The following DCC variants were observed in gnomAD, a reference collection of about 807,000 sequenced individuals.
The protein encoded by DCC is netrin receptor DCC.
A neutral mutation model predicts 172.5 loss-of-function variants in DCC; 58 were observed. The ratio of observed to expected loss-of-function variants is 0.34; its 90% CI spans 0.27 to 0.42. The LOEUF is 0.42. DCC is among the 10% of genes least tolerant of loss of function. DCC has a pLI of 1.00. For missense variants in DCC, 1,740 were observed against 1,791.0 expected (o/e 0.97, Z 0.51); for synonymous variants, 709 against 644.5 (o/e 1.10, Z -1.52).
chr18:53,500,221 A>G (rs2046079782), intron 27 of DCC, among the ~76,000 whole-genome samples: 1 of 152,086 alleles, frequency 6.6e-6, no homozygotes, highest in South Asian at 2.1e-4. Flanking sequence ...GGAGGGGGAG[A>G]GAGAGGCAGA....
chr18:52,663,006 A>G (rs1290962019), intron 1 of DCC, among the ~76,000 whole-genome samples: 2 of 152,320 alleles, frequency 1.3e-5, no homozygotes, highest in East Asian at 3.9e-4. Context: ...ATGTTAGGGG[A>G]AAACAAACAT....
At chr18:52,344,103 C>A (rs1244892834) in intron 1 of DCC, among the ~76,000 whole-genome samples, 1 of 152,208 alleles carries the variant, frequency 6.6e-6, no homozygotes, top group Non-Finnish European at 1.5e-5. Context: ...TGCTGATAGG[C>A]ATTTTTTTCT....
chr18:52,806,348 A>G (rs566974641), intron 2 of DCC, among the ~76,000 whole-genome samples: 1 of 152,318 alleles, frequency 6.6e-6, no homozygotes, highest in Admixed American at 6.5e-5. Flanking sequence ...CCCACATTCC[A>G]TAGTTTACAT....
intron 1 of DCC, among the ~76,000 whole-genome samples, chr18:52,379,900 A>G (rs1985512666): frequency 1.3e-5 from 2 of 152,286 alleles, no homozygotes; most frequent in South Asian, 2.1e-4. Flanking sequence ...CTATAACAGT[A>G]TACATGAGAC....
chr18:53,123,809 G>A (rs1406044105), intron 7 of DCC, among the ~76,000 whole-genome samples: 2 of 151,898 alleles, frequency 1.3e-5, no homozygotes, highest in African/African-American at 4.8e-5. Flanking sequence ...ACGTGTCACG[G>A]TCCTTTTCTC....
At chr18:52,827,370 A>T (rs9952189) in intron 2 of DCC, among the ~76,000 whole-genome samples, 3 of 152,060 alleles carry the variant, frequency 2.0e-5, no homozygotes, top group South Asian at 2.1e-4. Context: ...AAAATGGCTG[A>T]GGTGATTTTG....
chr18:53,463,894 C>T (rs1185062578), intron 24 of DCC, among the ~76,000 whole-genome samples: 1 of 152,158 alleles, frequency 6.6e-6, no homozygotes, highest in Non-Finnish European at 1.5e-5. Flanking sequence ...AGAATTGAAT[C>T]AAGCAATTGC....
intron 5 of DCC, among the ~76,000 whole-genome samples, chr18:52,966,110 C>A (rs1376610181): frequency 6.6e-6 from 1 of 152,098 alleles, no homozygotes; most frequent in Non-Finnish European, 1.5e-5. Context: ...ATCCATAGAT[C>A]ATTTCCCATA....
intron 19 of DCC, among the ~76,000 whole-genome samples, chr18:53,403,377 T>C (rs951459445): frequency 6.6e-6 from 1 of 152,210 alleles, no homozygotes; most frequent in African/African-American, 2.4e-5. Context: ...ACTTAAATCA[T>C]AAAGTTCACA....
intron 7 of DCC, among the ~76,000 whole-genome samples, chr18:53,088,015 A>G (rs1246270688): frequency 6.6e-6 from 1 of 152,104 alleles, no homozygotes; most frequent in Non-Finnish European, 1.5e-5. Context: ...GCCTTGTAGT[A>G]TAGTTTGTAG....
At chr18:52,791,869 C>T (rs529200580) in intron 2 of DCC, among the ~76,000 whole-genome samples, 2 of 152,180 alleles carry the variant, frequency 1.3e-5, no homozygotes, top group African/African-American at 4.8e-5. Flanking sequence ...TAAATGGAAG[C>T]AGAATACGTG....
intron 1 of DCC, among the ~76,000 whole-genome samples, chr18:52,399,219 G>A (rs994085445): frequency 6.6e-6 from 1 of 151,538 alleles, no homozygotes; most frequent in Non-Finnish European, 1.5e-5. Flanking sequence ...TTCTTTTCTG[G>A]ACAAAAGGAG....
chr18:52,396,253 A>G (rs1213925309), intron 1 of DCC, among the ~76,000 whole-genome samples: 2 of 151,564 alleles, frequency 1.3e-5, no homozygotes, highest in South Asian at 2.1e-4. Context: ...CAATAATAAT[A>G]AAATAACACT....
intron 11 of DCC, among the ~76,000 whole-genome samples, chr18:53,211,095 C>A (rs2055744033): frequency 6.6e-6 from 1 of 152,180 alleles, no homozygotes; most frequent in Admixed American, 6.5e-5. Flanking sequence ...AGTTTCCATG[C>A]CAGCTTGTCC....
chr18:52,371,601 G>A (rs1598869966), intron 1 of DCC, among the ~76,000 whole-genome samples: 1 of 152,068 alleles, frequency 6.6e-6, no homozygotes, highest in Non-Finnish European at 1.5e-5. Context: ...GCAGCCCCGG[G>A]AAGAAGGCTT....
At chr18:52,427,821 TTCCTTCCTTCCTTTCTTCCTTC>T (rs1234386634) in intron 1 of DCC, among the ~76,000 whole-genome samples, 1 of 92,808 alleles carries the variant, frequency 1.1e-5, no homozygotes, top group Admixed American at 1.3e-4. Context: ...CCTTTCTTCC[TTCCTTCCTTCCTTTCTTCCTTC>T]CTTCCTTCCT....
chr18:53,320,170 C>T (rs1367854151), intron 13 of DCC, among the ~76,000 whole-genome samples: 1 of 149,512 alleles, frequency 6.7e-6, no homozygotes, highest in Non-Finnish European at 1.5e-5. Context: ...CCTCCCGGGT[C>T]CATGCCATTC....
At chr18:52,869,161 G>A (rs565473614) in intron 2 of DCC, among the ~76,000 whole-genome samples, 15 of 152,302 alleles carry the variant, frequency 9.8e-5, no homozygotes, top group Middle Eastern at 3.4e-3. Flanking sequence ...TTTTAGCCTC[G>A]CCATTTGTTG....
At chr18:52,949,374 C>T (rs2040599159) in intron 5 of DCC, among the ~76,000 whole-genome samples, 2 of 152,186 alleles carry the variant, frequency 1.3e-5, no homozygotes, top group African/African-American at 4.8e-5. Context: ...TGGGAAAAGG[C>T]TCTTCCTCCT....
Sources: gnomAD v4.1 joint callset for allele counts (sites outside exome capture counted in the v4.1 genomes callset) on GRCh38, gnomAD v4.1.1 for gene constraint, MANE v1.5 for transcripts, NCBI Gene and HGNC (gene_info 2026-07-23, HGNC 2026-07-21) for gene names.